Variants in PXDN observed in about 807,000 individuals in gnomAD.
The protein encoded by PXDN is peroxidasin homolog.
In PXDN, 77 loss-of-function variants were observed where a neutral mutation model predicts 140.3. That is an observed-to-expected ratio of 0.55 (90% CI 0.46 to 0.66). The LOEUF (loss-of-function observed/expected upper bound fraction) is 0.66. Ranked by LOEUF, PXDN falls within the 30% of genes least tolerant of loss-of-function variation. PXDN has a pLI of 0.00. For missense variants in PXDN, 1,838 were observed against 2,039.5 expected (o/e 0.90, Z 1.90); for synonymous variants, 911 against 857.4 (o/e 1.06, Z -1.09).
intron 1 of PXDN, among the ~76,000 whole-genome samples, chr2:1,727,092 T>C (rs942163982): frequency 3.3e-5 from 5 of 152,214 alleles, no homozygotes; most frequent in African/African-American, 1.2e-4. Context: ...GTGAACACTC[T>C]GCTTCCTTGT....
intron 8 of PXDN, among the ~76,000 whole-genome samples, chr2:1,674,925 C>G (rs941982883): frequency 6.6e-6 from 1 of 152,216 alleles, no homozygotes; most frequent in East Asian, 1.9e-4. Context: ...GCAGGAGGAG[C>G]AGCACCAGCA....
intron 1 of PXDN, among the ~76,000 whole-genome samples, chr2:1,727,146 C>T (rs1208187535): frequency 2.6e-5 from 4 of 152,192 alleles, no homozygotes; most frequent in Non-Finnish European, 5.9e-5. Context: ...CTAAAGTCAG[C>T]ATATCAAGTA....
rs538367502 is a variant in PXDN at position 1,644,496 on chromosome 2, G to A, written c.3743+122C>T. ...AGTGCCTTCCTCATTCTCAACCGGG[G>A]ACACACAGAAGACACTAGGGCCTCG... is the stretch of plus-strand genomic sequence containing the variant. On this transcript the variant is annotated intron_variant, in intron 18 of 22. Coordinates refer to ENST00000252804, the MANE Select transcript of PXDN (RefSeq NM_012293.3). 269 of 1,154,234 alleles carry A rather than the reference G, an allele frequency of 2.3e-4. 2 individuals carry two copies. The African/African-American group carries it at 3.5e-3, about 15-fold the overall frequency. 71.5% of individuals were successfully genotyped at this position (1,154,234 alleles called of 1,614,324 possible).
Position 1,639,323 on chromosome 2 carries a change from G to A in PXDN, c.4052C>T (p.Thr1351Ile), listed in dbSNP as rs760123954. ...SYQEDKPTKKTRPRKIPSVGR... is the reference protein window; with the variant it reads ...SYQEDKPTKKIRPRKIPSVGR... ...ATACCTGGGTATTTTCCGTGGTCTTGTTTTCTTGGTCGGCTTGTCCTCCTG... is the reference window on the plus strand; with the variant it reads ...ATACCTGGGTATTTTCCGTGGTCTTATTTTCTTGGTCGGCTTGTCCTCCTG... Residue 1351 changes from threonine (T) to isoleucine (I), a missense_variant, in exon 20 of 23, where the codon ACA becomes ATA. Thr to Ile is a moderately conservative substitution (Grantham distance 89). Coordinates refer to ENST00000252804, the MANE Select transcript of PXDN (RefSeq NM_012293.3). The surrounding 1 kb of genome is among the most constrained non-coding windows in gnomAD (Gnocchi z 5.0). 1.2e-6 allele frequency: 2 copies of A among 1,613,720 alleles called. No homozygotes were observed. The highest frequency in any genetic ancestry group is 1.3e-5 in the African/African-American group (1 of 74,928).
In PXDN at chr2:1,694,721, G is replaced by A. The variant is rs149124700; in HGVS notation, c.201-1587C>T. On this transcript the variant is annotated intron_variant, in intron 1 of 22. Coordinates refer to ENST00000252804, the MANE Select transcript of PXDN (RefSeq NM_012293.3). Reference sequence around the variant, plus strand: ...GGCTCCACGGACTCTCCACGTAGGAGCTGCTGAAAGTCAGAAGCATCGAAA... The same window carrying A: ...GGCTCCACGGACTCTCCACGTAGGAACTGCTGAAAGTCAGAAGCATCGAAA... 8.2e-4 allele frequency among the ~76,000 whole-genome samples: 125 copies of A among 152,336 alleles called. 2 individuals are homozygous for A. The Middle Eastern group carries it at 0.014, about 17-fold the overall frequency.
chr2:1,689,783 T>G (rs1684145091), intron 3 of PXDN, among the ~76,000 whole-genome samples: 1 of 120,182 alleles, frequency 8.3e-6, no homozygotes, highest in African/African-American at 3.3e-5. Flanking sequence ...AAACTCCACC[T>G]CAAAAAAAAA....
rs73178792 is a variant in PXDN at position 1,654,394 on chromosome 2, C to T, written c.1946+6G>A. 17,320 of 1,606,026 alleles carry T rather than the reference C, an allele frequency of 0.011. 1,260 individuals are homozygous for T. In the African/African-American group the frequency reaches 0.18, roughly 17 times the overall value. ...GAGGGTCAGCGTGTTTACAGCCCCA[C>T]GATACCTGTCAAACAAATGTGTTCG... On this transcript the variant is annotated splice_donor_region_variant and intron_variant, in intron 15 of 22. Coordinates refer to ENST00000252804, the MANE Select transcript of PXDN (RefSeq NM_012293.3).
chr2:1,720,969 G>A (rs192121329), intron 1 of PXDN, among the ~76,000 whole-genome samples: 1 of 152,276 alleles, frequency 6.6e-6, no homozygotes, highest in Admixed American at 6.5e-5. Flanking sequence ...CGCCTCTGCT[G>A]GTGGAATTCC....
Position 1,634,301 on chromosome 2 carries a change from A to C in PXDN, c.4343T>G (p.Val1448Gly). The change falls in exon 23 of 23, where the codon GTG (valine) becomes GGG (glycine). Residue 1448 changes from valine to glycine, a missense_variant. By Grantham distance (109) the Val-to-Gly change is moderately radical. Coordinates refer to ENST00000252804, the MANE Select transcript of PXDN (RefSeq NM_012293.3). Reference sequence around the variant, plus strand: ...ACAGGTGGCAGGGGGGCAAGCTTCCACGAAGCAGGTGACCTGCCCGTCCTG... The same window carrying C: ...ACAGGTGGCAGGGGGGCAAGCTTCCCCGAAGCAGGTGACCTGCCCGTCCTG... ...ECKDGQVTCF[V>G]EACPPATCAV... 6.3e-7 allele frequency: 1 copy of C among 1,598,322 alleles called. No homozygotes were observed. The highest frequency in any genetic ancestry group is 8.5e-7 in the Non-Finnish European group (1 of 1,172,434).
In PXDN at chr2:1,687,365, G is replaced by T. The variant is rs1684084835; in HGVS notation, c.416+267C>A. ...TCGATATTACTGTCCTTGGTGTCAG[G>T]AAAGCATGGCCCAGGGCCTGGTGCC... On this transcript the variant is annotated intron_variant, in intron 4 of 22. Coordinates refer to ENST00000252804, the MANE Select transcript of PXDN (RefSeq NM_012293.3). This position sits in a 1 kb window ranked among gnomAD's most constrained non-coding sequence, Gnocchi z 4.0. Among the ~76,000 whole-genome samples the T allele has an allele frequency of 6.6e-6, 1 of 152,268 alleles. No individual in the cohort carries two copies. The highest frequency in any genetic ancestry group is 1.9e-4 in the East Asian group (1 of 5,158).
intron 1 of PXDN, among the ~76,000 whole-genome samples, chr2:1,737,485 G>C (rs1685448459): frequency 6.6e-6 from 1 of 151,910 alleles, no homozygotes; most frequent in Non-Finnish European, 1.5e-5. Flanking sequence ...TTACTATTTT[G>C]CTGTGGCCTT....
intron 14 of PXDN, among the ~76,000 whole-genome samples, chr2:1,655,787 A>T (rs556082696): frequency 6.9e-6 from 1 of 144,836 alleles, no homozygotes; most frequent in East Asian, 2.2e-4. Flanking sequence ...ACAGCACATT[A>T]AACACAGACA....
intron 1 of PXDN, among the ~76,000 whole-genome samples, chr2:1,698,099 A>T (rs995137412): frequency 6.6e-6 from 1 of 152,184 alleles, no homozygotes; most frequent in Non-Finnish European, 1.5e-5. Flanking sequence ...TGAGGGGTGC[A>T]TCCCTTCTAA....
chr2:1,710,887 G>GCTCCACCAGCACCCACT (rs1297899751), intron 1 of PXDN, among the ~76,000 whole-genome samples: 1 of 61,576 alleles, frequency 1.6e-5, no homozygotes, highest in Non-Finnish European at 3.0e-5. Flanking sequence ...ACCAGCACCT[G>GCTCCACCAGCACCCACT]CTCCACCAGC....
intron 8 of PXDN, among the ~76,000 whole-genome samples, chr2:1,675,538 C>G (rs886115195): frequency 6.6e-6 from 1 of 152,136 alleles, no homozygotes; most frequent in African/African-American, 2.4e-5. Context: ...CTTACAGGCT[C>G]CTTGTCCGGC....
At chr2:1,718,116 CCCAA>C (rs1028988108) in intron 1 of PXDN, among the ~76,000 whole-genome samples, 19 of 152,106 alleles carry the variant, frequency 1.2e-4, no homozygotes, top group African/African-American at 4.6e-4. Context: ...TAACCAACTA[CCCAA>C]CCACTCTACT....
rs531182873 is a variant in PXDN, at chr2:1,661,085, C to G, written c.1681-48G>C. Reference sequence around the variant, plus strand: ...CAGTATTAGAAATAAGACTAAGAAGCAGAAGTTATCTGACCTAGGGTTGGG... The same window carrying G: ...CAGTATTAGAAATAAGACTAAGAAGGAGAAGTTATCTGACCTAGGGTTGGG... On this transcript the variant is annotated intron_variant, in intron 13 of 22. Coordinates refer to ENST00000252804, the MANE Select transcript of PXDN (RefSeq NM_012293.3). 1.9e-6 allele frequency: 3 copies of G among 1,604,986 alleles called. No homozygotes were observed. The South Asian group carries it at 3.3e-5, about 18-fold the overall frequency.
chr2:1,719,671 A>G (rs1684970984), intron 1 of PXDN, among the ~76,000 whole-genome samples: 2 of 152,198 alleles, frequency 1.3e-5, no homozygotes, highest in Non-Finnish European at 2.9e-5. Context: ...AAGCCTGACC[A>G]TCAGTGACTA....
intron 15 of PXDN, 60 bp from the exon 16 acceptor site, chr2:1,653,845 A>G: frequency 6.9e-7 from 1 of 1,440,594 alleles, no homozygotes; most frequent in Non-Finnish European, 9.4e-7. Context: ...GATAAAATTC[A>G]TAGTACCCCA....
Sources: gnomAD v4.1 joint callset for allele counts (sites outside exome capture counted in the v4.1 genomes callset) on GRCh38, gnomAD v4.1.1 for gene constraint, Gnocchi (gnomAD v3.1) non-coding constraint, MANE v1.5 for transcripts, NCBI Gene and HGNC (gene_info 2026-07-23, HGNC 2026-07-21) for gene names.